Variants in SNTG1 observed in about 807,000 individuals in gnomAD.
SNTG1 encodes gamma-1-syntrophin.
A neutral mutation model predicts 74.7 loss-of-function variants in SNTG1; 39 were observed. The observed-to-expected ratio is 0.52, with a 90% CI of 0.40 to 0.68. The LOEUF (loss-of-function observed/expected upper bound fraction) is 0.68, where lower values mean the gene tolerates loss of function less well. Among genes scored for constraint, SNTG1 ranks in the 30% least tolerant of loss-of-function variants. The pLI is 0.00. For synonymous variants in SNTG1, 254 were observed against 217.1 expected (o/e 1.17, Z -1.49); for missense variants, 685 against 609.5 (o/e 1.12, Z -1.30).
At chr8:50,157,700 G>A (rs987128278) in intron 1 of SNTG1, among the ~76,000 whole-genome samples, 5 of 151,978 alleles carry the variant, frequency 3.3e-5, no homozygotes, top group South Asian at 2.1e-4. Context: ...TCATTAAAAC[G>A]GAGGTAAAAT....
chr8:49,972,726 A>AAAGAAGAC (rs1811813550), intron 1 of SNTG1, among the ~76,000 whole-genome samples: 1 of 152,228 alleles, frequency 6.6e-6, no homozygotes. Flanking sequence ...ACACTTCTCA[A>AAAGAAGAC]AAGAAGACAT....
At chr8:50,620,577 T>A (rs2094915719) in intron 13 of SNTG1, among the ~76,000 whole-genome samples, 1 of 152,162 alleles carries the variant, frequency 6.6e-6, no homozygotes, top group Admixed American at 6.5e-5. Context: ...AGATATTTGC[T>A]GGGGTGCCTC....
At chr8:50,095,758 G>GA (rs137892681) in intron 1 of SNTG1, among the ~76,000 whole-genome samples, 2,071 of 152,010 alleles carry the variant, frequency 0.014, 18 homozygotes, top group Non-Finnish European at 0.021. Context: ...AAAAAATGTG[G>GA]AAAAAAACTG....
intron 5 of SNTG1, among the ~76,000 whole-genome samples, chr8:50,448,989 T>C (rs911520945): frequency 2.6e-5 from 4 of 151,902 alleles, no homozygotes; most frequent in Admixed American, 1.3e-4. Flanking sequence ...GATCGCGCCA[T>C]GGCACTCCAG....
intron 8 of SNTG1, among the ~76,000 whole-genome samples, chr8:50,454,404 G>A (rs902829690): frequency 5.9e-5 from 9 of 152,142 alleles, no homozygotes; most frequent in African/African-American, 2.2e-4. Flanking sequence ...GGCTGAGGCA[G>A]GAGAATTGCT....
chr8:50,001,648 A>C (rs1355506420), intron 1 of SNTG1, among the ~76,000 whole-genome samples: 1 of 152,142 alleles, frequency 6.6e-6, no homozygotes. Flanking sequence ...TTAAAGCATT[A>C]AGTTATCTTG....
At chr8:49,924,064 G>A (rs1237533461) in intron 1 of SNTG1, among the ~76,000 whole-genome samples, 2 of 152,060 alleles carry the variant, frequency 1.3e-5, no homozygotes, top group Non-Finnish European at 2.9e-5. Flanking sequence ...AAATTTTAAG[G>A]CAGGTTAATT....
intron 2 of SNTG1, among the ~76,000 whole-genome samples, chr8:50,247,167 C>T (rs80337470): frequency 0.019 from 2,819 of 152,152 alleles, 57 homozygotes; most frequent in African/African-American, 0.044. Context: ...ATTTTCTGCA[C>T]GATTTGTGTA....
chr8:50,350,116 G>A (rs1329109301), intron 2 of SNTG1, among the ~76,000 whole-genome samples: 1 of 152,168 alleles, frequency 6.6e-6, no homozygotes, highest in Non-Finnish European at 1.5e-5. Context: ...CACGGGCGCT[G>A]TGCTCGATTT....
chr8:50,620,700 A>G (rs1366421903), intron 13 of SNTG1, among the ~76,000 whole-genome samples: 3 of 152,214 alleles, frequency 2.0e-5, no homozygotes, highest in African/African-American at 7.2e-5. Flanking sequence ...AGGAGAAGTA[A>G]CAGGTTGTTC....
chr8:50,540,106 G>A (rs1349172787), intron 11 of SNTG1, among the ~76,000 whole-genome samples: 1 of 152,066 alleles, frequency 6.6e-6, no homozygotes. Context: ...CCATACTTTT[G>A]TCATCTTATG....
At chr8:50,360,764 T>G (rs1254671347) in intron 2 of SNTG1, among the ~76,000 whole-genome samples, 1 of 152,122 alleles carries the variant, frequency 6.6e-6, no homozygotes, top group Non-Finnish European at 1.5e-5. Flanking sequence ...GCATAAAAGA[T>G]AAAAAATGGT....
chr8:50,381,316 A>T (rs1225809793), intron 2 of SNTG1, among the ~76,000 whole-genome samples: 1 of 151,898 alleles, frequency 6.6e-6, no homozygotes, highest in African/African-American at 2.4e-5. Context: ...TTTATAAACT[A>T]TGTAATTGTT....
intron 8 of SNTG1, among the ~76,000 whole-genome samples, chr8:50,466,330 G>A (rs1459072089): frequency 6.6e-6 from 1 of 151,936 alleles, no homozygotes; most frequent in Admixed American, 6.6e-5. Flanking sequence ...AATTGCCATT[G>A]CTTCTTTGTT....
chr8:50,675,083 A>G (rs2095303988), intron 15 of SNTG1, among the ~76,000 whole-genome samples: 1 of 152,000 alleles, frequency 6.6e-6, no homozygotes, highest in Non-Finnish European at 1.5e-5. Flanking sequence ...TCTTACTTCC[A>G]CTTATGTGGT....
Position 50,119,742 on chromosome 8 carries a change from T to C in SNTG1, c.-102-52819T>C, listed in dbSNP as rs1299545763. 1.4e-5 allele frequency among the ~76,000 whole-genome samples: 2 copies of C among 141,626 alleles called. 1 individual carries two copies. The highest frequency in any genetic ancestry group is 3.1e-5 in the Non-Finnish European group (2 of 63,694). The allele number at this position is 141,626 out of a possible 152,430, so 92.9% of individuals were successfully genotyped here. On this transcript the variant is annotated intron_variant, in intron 1 of 18. Coordinates refer to ENST00000642720, the MANE Select transcript of SNTG1 (RefSeq NM_018967.5). ...TTTTACAATGTAAGGACAATTACTA[T>C]ACCCCTATCAGATGAGAAACTGAGG...
At chr8:49,942,526 C>T (rs1226403886) in intron 1 of SNTG1, among the ~76,000 whole-genome samples, 2 of 152,042 alleles carry the variant, frequency 1.3e-5, no homozygotes, top group African/African-American at 4.8e-5. Flanking sequence ...TTTTTATCTG[C>T]TGTTCTTTTT....
intron 9 of SNTG1, among the ~76,000 whole-genome samples, chr8:50,519,162 A>G (rs2094158546): frequency 6.6e-6 from 1 of 152,216 alleles, no homozygotes; most frequent in Admixed American, 6.5e-5. Context: ...ACACAAATCA[A>G]TAAATGTAAT....
chr8:50,414,024 T>C (rs2092984374), intron 4 of SNTG1, among the ~76,000 whole-genome samples: 1 of 152,196 alleles, frequency 6.6e-6, no homozygotes, highest in Non-Finnish European at 1.5e-5. Context: ...GCCGTATCTG[T>C]AATTGCAAGA....
Sources: gnomAD v4.1 joint callset for allele counts (sites outside exome capture counted in the v4.1 genomes callset) on GRCh38, gnomAD v4.1.1 for gene constraint, MANE v1.5 for transcripts, NCBI Gene and HGNC (gene_info 2026-07-23, HGNC 2026-07-21) for gene names.